The following FAM135B variants were observed in gnomAD, a reference collection of about 807,000 sequenced individuals.
The protein encoded by FAM135B is protein FAM135B.
A neutral mutation model predicts 127.7 loss-of-function variants in FAM135B; 43 were observed. The observed-to-expected ratio is 0.34, with a 90% confidence interval of 0.26 to 0.43. FAM135B has a LOEUF of 0.43. Among genes scored for constraint, FAM135B ranks in the 20% least tolerant of loss-of-function variants. The pLI, the probability that FAM135B is intolerant of heterozygous loss-of-function variation, is 1.00. For synonymous variants in FAM135B, 670 were observed against 665.1 expected (o/e 1.01, Z -0.11); for missense variants, 1,558 against 1,725.6 (o/e 0.90, Z 1.72).
At chr8:138,384,652 G>A (rs183340046) in intron 1 of FAM135B, among the ~76,000 whole-genome samples, 92 of 152,174 alleles carry the variant, frequency 6.0e-4, no homozygotes, top group Non-Finnish European at 1.2e-3. Flanking sequence ...GTGTGTGTGT[G>A]CACCTGTGTG....
chr8:138,457,318 T>C (rs928948388), intron 1 of FAM135B, among the ~76,000 whole-genome samples: 2 of 152,066 alleles, frequency 1.3e-5, no homozygotes, highest in Non-Finnish European at 2.9e-5. Flanking sequence ...GTGTAGGCCA[T>C]GGAAAGTACT....
rs118005224 is a variant in FAM135B at position 138,431,850 on chromosome 8, T to C, written c.-19-63848A>G. Among the ~76,000 whole-genome samples the C allele has an allele frequency of 5.8e-3, 880 of 152,274 alleles. 4 individuals carry two copies. The highest frequency in any genetic ancestry group is 8.7e-3 in the Non-Finnish European group (594 of 68,024). ...GGAATACAGATACTCCAGACTCAGATTGACAGAGAGTCAAGAAGAGAAGAG... is the reference window on the plus strand; with the variant it reads ...GGAATACAGATACTCCAGACTCAGACTGACAGAGAGTCAAGAAGAGAAGAG... On this transcript the variant is annotated intron_variant, in intron 1 of 19. Transcript: ENST00000395297.
At chr8:138,465,423 G>A (rs890864893) in intron 1 of FAM135B, among the ~76,000 whole-genome samples, 1 of 152,130 alleles carries the variant, frequency 6.6e-6, no homozygotes, top group East Asian at 1.9e-4. Flanking sequence ...TAAGTAAGGG[G>A]TGGTACCACA....
intron 1 of FAM135B, among the ~76,000 whole-genome samples, chr8:138,378,001 C>T (rs940449477): frequency 2.0e-5 from 3 of 152,246 alleles, no homozygotes; most frequent in East Asian, 1.9e-4. Context: ...CCCCTAAGCA[C>T]TCTTTCTTGC....
chr8:138,186,482 T>C (rs986435700), intron 9 of FAM135B, among the ~76,000 whole-genome samples: 7 of 152,124 alleles, frequency 4.6e-5, no homozygotes, highest in African/African-American at 1.7e-4. Context: ...CTGGCGATGC[T>C]CTACCTCTAA....
intron 10 of FAM135B, 56 bp downstream of exon 10, chr8:138,178,479 C>G (rs1015857581): frequency 1.3e-6 from 2 of 1,594,152 alleles, no homozygotes; most frequent in South Asian, 1.1e-5. Flanking sequence ...CATAAAGGTT[C>G]CTCCAAAGAA....
chr8:138,409,205 C>G (rs959032747), intron 1 of FAM135B, among the ~76,000 whole-genome samples: 1 of 151,902 alleles, frequency 6.6e-6, no homozygotes, highest in South Asian at 2.1e-4. Context: ...ATTAATTGGC[C>G]GATTTTCAGT....
At chr8:138,460,450 C>T (rs1440099202) in intron 1 of FAM135B, among the ~76,000 whole-genome samples, 1 of 152,176 alleles carries the variant, frequency 6.6e-6, no homozygotes, top group African/African-American at 2.4e-5. Context: ...GATAAAGGGA[C>T]ATGGCAAAGG....
In FAM135B at chr8:138,152,682, C is replaced by T. The variant is rs1326145707; in HGVS notation, c.1793G>A (p.Gly598Asp). The change falls in exon 13 of 20, where the codon GGT becomes GAT. Residue 598 changes from glycine (G) to aspartate (D), a missense_variant. By Grantham distance (94) the Gly-to-Asp change is moderately conservative. This residue lies in a region of FAM135B where 923 missense variants were observed against 865.3 expected (regional missense o/e 1.07). Transcript: ENST00000395297. Reference sequence around the variant, plus strand: ...AGAGATGGCATTTTGGTGGCTTCCACCTACTACCACTTTGCTTAGCCCAGT... The same window carrying T: ...AGAGATGGCATTTTGGTGGCTTCCATCTACTACCACTTTGCTTAGCCCAGT... ...DRTGLSKVVV[G>D]GSHQNAISSD... 2.5e-6 allele frequency: 4 copies of T among 1,614,166 alleles called. No individual in the cohort carries two copies. Among genetic ancestry groups the T allele is most frequent in the Non-Finnish European group, 3.4e-6 (4 of 1,180,028 alleles).
intron 2 of FAM135B, among the ~76,000 whole-genome samples, chr8:138,344,580 T>TC (rs201264602): frequency 1.4e-5 from 2 of 144,562 alleles, no homozygotes; most frequent in East Asian, 2.1e-4. Context: ...TTTCTTTCTT[T>TC]TTTTTTTTTT....
chr8:138,390,196 G>A (rs1017015022), intron 1 of FAM135B, among the ~76,000 whole-genome samples: 1 of 152,092 alleles, frequency 6.6e-6, no homozygotes, highest in Non-Finnish European at 1.5e-5. Flanking sequence ...ATATCGCCCG[G>A]CCTTGTCCCC....
At chr8:138,475,297 T>A (rs891380687) in intron 1 of FAM135B, among the ~76,000 whole-genome samples, 1 of 152,122 alleles carries the variant, frequency 6.6e-6, no homozygotes, top group Admixed American at 6.5e-5. Context: ...CTTTTATCTT[T>A]CTACAGGAAA....
chr8:138,201,974 A>C lies in FAM135B; in HGVS notation c.670-4305T>G, dbSNP rs572804379. 8.6e-5 allele frequency among the ~76,000 whole-genome samples: 13 copies of C among 152,044 alleles called. No individual in the cohort carries two copies. In the East Asian group the frequency reaches 2.5e-3, roughly 30 times the overall value. On this transcript the variant is annotated intron_variant, in intron 7 of 19. Transcript: ENST00000395297. ...AACTCCCTCTCTGCTAAAAATGCAAAATTAGTCAGGCGTGGTGGCACATGC... is the reference window on the plus strand; with the variant it reads ...AACTCCCTCTCTGCTAAAAATGCAACATTAGTCAGGCGTGGTGGCACATGC...
intron 2 of FAM135B, among the ~76,000 whole-genome samples, chr8:138,322,551 A>T (rs1352020748): frequency 6.6e-6 from 1 of 152,232 alleles, no homozygotes; most frequent in African/African-American, 2.4e-5. Flanking sequence ...GCAATAATGC[A>T]ATCAGTGGCT....
chr8:138,340,078 C>T (rs1369795267), intron 2 of FAM135B, among the ~76,000 whole-genome samples: 2 of 152,156 alleles, frequency 1.3e-5, no homozygotes, highest in African/African-American at 4.8e-5. Context: ...GGACTGCAGT[C>T]CTTCCCGAAG....
chr8:138,491,167 A>AAAAAAAAAAC (rs1564040507), intron 1 of FAM135B, among the ~76,000 whole-genome samples: 7 of 151,320 alleles, frequency 4.6e-5, no homozygotes, highest in African/African-American at 1.5e-4. Context: ...AAAGAAAGAA[A>AAAAAAAAAAC]GAAAGAAAGA....
chr8:138,226,150 CGTGTGTGT>C (rs72185111), intron 7 of FAM135B, among the ~76,000 whole-genome samples: 3 of 133,522 alleles, frequency 2.2e-5, no homozygotes, highest in Admixed American at 1.5e-4. Flanking sequence ...GGGGACCCAC[CGTGTGTGT>C]GTGTGTGTGT....
At chr8:138,474,270 C>T (rs751526852) in intron 1 of FAM135B, among the ~76,000 whole-genome samples, 6 of 152,102 alleles carry the variant, frequency 3.9e-5, no homozygotes, top group Non-Finnish European at 7.4e-5. Context: ...CAGACCCCCA[C>T]GAACATTCCA....
chr8:138,442,267 T>TATATATATATATATATATATATAC lies in FAM135B; in HGVS notation c.-20+54403_-20+54404insGTATATATATATATATATATATAT, dbSNP rs34280434. 1.2e-3 allele frequency among the ~76,000 whole-genome samples: 101 copies of TATATATATATATATATATATATAC among 86,738 alleles called. 13 individuals carry two copies. Among genetic ancestry groups the TATATATATATATATATATATATAC allele is most frequent in the South Asian group, 1.3e-3 (4 of 2,972 alleles). 56.9% of individuals were successfully genotyped at this position (86,738 alleles called of 152,430 possible). A position where few individuals can be genotyped will look rare whatever the true frequency, so the allele number is the denominator to read the frequency against. ...ATATATATATATATATATATATATA[T>TATATATATATATATATATATATAC]ATATATATATGAAAAACCTTGGCAG... On this transcript the variant is annotated intron_variant, in intron 1 of 19. Transcript: ENST00000395297.
Sources: gnomAD v4.1 joint callset for allele counts (sites outside exome capture counted in the v4.1 genomes callset) on GRCh38, gnomAD v4.1.1 for gene constraint, gnomAD v4.1.1 regional missense constraint, MANE v1.5 for transcripts, NCBI Gene and HGNC (gene_info 2026-07-23, HGNC 2026-07-21) for gene names.